The following ZFPM2 variants were observed in gnomAD, a reference collection of about 807,000 sequenced individuals.
ZFPM2 encodes the protein zinc finger protein ZFPM2.
ZFPM2 carries 20 observed loss-of-function variants against 98.6 expected under a neutral mutation model. The ratio of observed to expected loss-of-function variants is 0.20; its 90% confidence interval spans 0.14 to 0.29. The LOEUF is 0.29. Among genes scored for constraint, ZFPM2 ranks in the 10% least tolerant of loss-of-function variants. The pLI is 1.00. For missense variants in ZFPM2, 1,310 were observed against 1,388.6 expected, an observed-to-expected ratio of 0.94 and a Z score of 0.90; for synonymous variants, 518 against 502.7, an observed-to-expected ratio of 1.03 and a Z score of -0.41.
intron 5 of ZFPM2, among the ~76,000 whole-genome samples, chr8:105,637,720 G>A (rs976838616): frequency 6.6e-6 from 1 of 151,988 alleles, no homozygotes; most frequent in Non-Finnish European, 1.5e-5. Context: ...ATCCCGGGAG[G>A]CACTCCTACT....
intron 5 of ZFPM2, among the ~76,000 whole-genome samples, chr8:105,702,650 T>C (rs1811164205): frequency 6.6e-6 from 1 of 152,222 alleles, no homozygotes; most frequent in Non-Finnish European, 1.5e-5. Context: ...AAGAAATTGG[T>C]TGTTCATCCT....
At chr8:105,629,470 A>T (rs542335508) in intron 4 of ZFPM2, among the ~76,000 whole-genome samples, 69 of 152,314 alleles carry the variant, frequency 4.5e-4, no homozygotes, top group African/African-American at 1.4e-3. Flanking sequence ...ATAAATGTGG[A>T]TATCTTTTGT....
At chr8:105,489,281 C>T (rs1428128522) in intron 3 of ZFPM2, among the ~76,000 whole-genome samples, 2 of 150,854 alleles carry the variant, frequency 1.3e-5, no homozygotes, top group Non-Finnish European at 2.9e-5. Flanking sequence ...CAAATAATGT[C>T]GGTAATAAGA....
intron 6 of ZFPM2, among the ~76,000 whole-genome samples, chr8:105,794,341 C>T (rs866605341): frequency 6.6e-6 from 1 of 152,292 alleles, no homozygotes; most frequent in Middle Eastern, 3.4e-3. Flanking sequence ...GCTAGAGGTC[C>T]ACTCCAGATG....
chr8:105,714,883 TGA>T (rs1811482009), intron 5 of ZFPM2, among the ~76,000 whole-genome samples: 1 of 152,106 alleles, frequency 6.6e-6, no homozygotes, highest in Non-Finnish European at 1.5e-5. Context: ...CAGTACACTG[TGA>T]CTAGCACAAT....
At chr8:105,689,945 T>G (rs2130935482) in intron 5 of ZFPM2, among the ~76,000 whole-genome samples, 1 of 152,312 alleles carries the variant, frequency 6.6e-6, no homozygotes, top group East Asian at 1.9e-4. Context: ...ATTTATCCCA[T>G]TAGCTTCTTG....
At chr8:105,789,088 A>C in intron 6 of ZFPM2, 164 bp downstream of exon 6, 1 of 617,968 alleles carries the variant, frequency 1.6e-6, no homozygotes, top group Non-Finnish European at 2.6e-6. Flanking sequence ...AAATGATGTT[A>C]CTTTTTTTTT....
At position 105,409,776 on chromosome 8, in the gene ZFPM2, G is replaced by A. The variant is rs1433705305; in HGVS notation, c.41-9368G>A. On this transcript the variant is annotated intron_variant, in intron 1 of 7. Transcript: ENST00000407775. ...AGGATTTGTTAAAACATGGATTGAT[G>A]GCCCCATCCCACAGAGTTTCTGAAA... Among the ~76,000 whole-genome samples the A allele has an allele frequency of 6.6e-5, 10 of 151,954 alleles. No homozygotes were observed. The East Asian group carries it at 1.9e-3, about 29-fold the overall frequency.
In ZFPM2 at chr8:105,802,512, A is replaced by T. The variant is rs200002039; in HGVS notation, c.2430A>T (p.Pro810=). ...CTCTGACGATCAACAAGTGTGTTCC[A>T]GTTTCCAAATGTGATACTACTCATT... The part of the protein sequence containing the change: ...ETSLTINKCV[P]VSKCDTTHSS... Residue 810 remains proline, a synonymous_variant, in exon 8 of 8, where the codon CCA becomes CCT. Coordinates refer to ENST00000407775, the MANE Select transcript of ZFPM2 (RefSeq NM_012082.4). 164 of 1,612,262 alleles carry T rather than the reference A, an allele frequency of 1.0e-4. 1 individual carries two copies. In the Middle Eastern group the frequency reaches 2.0e-3, roughly 19 times the overall value.
At chr8:105,464,574 AGAAGAC>A (rs1812762527) in intron 3 of ZFPM2, among the ~76,000 whole-genome samples, 2 of 151,926 alleles carry the variant, frequency 1.3e-5, no homozygotes. Context: ...AGACCAGCGG[AGAAGAC>A]AAACTAAGTG....
At chr8:105,437,573 C>T (rs1350501981) in intron 2 of ZFPM2, among the ~76,000 whole-genome samples, 2 of 152,138 alleles carry the variant, frequency 1.3e-5, no homozygotes, top group South Asian at 2.1e-4. Context: ...TTCACTCAGT[C>T]GAAGTACTTT....
chr8:105,758,052 G>A (rs2131066356), intron 5 of ZFPM2, among the ~76,000 whole-genome samples: 1 of 152,230 alleles, frequency 6.6e-6, no homozygotes, highest in East Asian at 1.9e-4. Flanking sequence ...CAGAGTAATA[G>A]CGAGCAGGAC....
chr8:105,725,644 G>C (rs1372017953), intron 5 of ZFPM2, among the ~76,000 whole-genome samples: 1 of 151,680 alleles, frequency 6.6e-6, no homozygotes, highest in Non-Finnish European at 1.5e-5. Flanking sequence ...CTAATTTTCT[G>C]TTTAAATCTC....
chr8:105,395,527 T>C (rs1811202069), intron 1 of ZFPM2, among the ~76,000 whole-genome samples: 1 of 152,112 alleles, frequency 6.6e-6, no homozygotes, highest in South Asian at 2.1e-4. Context: ...GGGAGTTTCC[T>C]AGCATAGCCA....
chr8:105,774,338 TTA>T (rs1309227254), intron 5 of ZFPM2, among the ~76,000 whole-genome samples: 3 of 152,144 alleles, frequency 2.0e-5, no homozygotes, highest in South Asian at 2.1e-4. Context: ...CAATTTATAA[TTA>T]TATGTTATAA....
At chr8:105,466,786 T>TA (rs1187156451) in intron 3 of ZFPM2, among the ~76,000 whole-genome samples, 1 of 151,942 alleles carries the variant, frequency 6.6e-6, no homozygotes, top group African/African-American at 2.4e-5. Flanking sequence ...TTTTTTTTTT[T>TA]AATTTTGAGG....
chr8:105,611,186 C>G (rs1004632397), intron 4 of ZFPM2, among the ~76,000 whole-genome samples: 1 of 151,884 alleles, frequency 6.6e-6, no homozygotes, highest in Non-Finnish European at 1.5e-5. Flanking sequence ...CTGCAGTGAT[C>G]AAATATTTAG....
At chr8:105,647,401 A>C (rs34757009) in intron 5 of ZFPM2, among the ~76,000 whole-genome samples, 23,441 of 151,596 alleles carry the variant, frequency 0.15, 2,212 homozygotes, top group Middle Eastern at 0.29. Context: ...ATTATACTTT[A>C]AGTTCGAGGG....
chr8:105,417,984 G>A (rs1811711700), intron 1 of ZFPM2, among the ~76,000 whole-genome samples: 1 of 152,130 alleles, frequency 6.6e-6, no homozygotes, highest in South Asian at 2.1e-4. Context: ...ATGCCAAGGT[G>A]TCATATGAAT....
Sources: allele counts gnomAD v4.1 joint callset (sites outside exome capture counted in the v4.1 genomes callset), GRCh38; gene constraint gnomAD v4.1.1; transcripts MANE v1.5; gene names NCBI Gene and HGNC (gene_info 2026-07-23, HGNC 2026-07-21).